The following INSC variants were observed in gnomAD, a reference collection of about 807,000 sequenced individuals.
INSC encodes the protein INSC spindle orientation adaptor protein.
A neutral mutation model predicts 58.6 loss-of-function variants in INSC; 67 were observed. That is an observed-to-expected ratio of 1.14 (90% CI 0.94 to 1.40). The LOEUF is 1.40. INSC is among the 40% of genes most tolerant of loss of function. The probability of loss-of-function intolerance (pLI) is 0.00; values close to 1 mark genes in which losing one functional copy is unlikely to be tolerated. For synonymous variants in INSC, 262 were observed against 276.1 expected, an observed-to-expected ratio of 0.95 and a Z score of 0.51; for missense variants, 714 against 692.0, an observed-to-expected ratio of 1.03 and a Z score of -0.36.
At chr11:15,243,328 T>C (rs947497254) in intron 12 of INSC, among the ~76,000 whole-genome samples, 3 of 152,186 alleles carry the variant, frequency 2.0e-5, no homozygotes, top group African/African-American at 7.2e-5. Context: ...GGGAGGAAGT[T>C]TCACTTATTG....
chr11:15,156,027 AG>A (rs929260979), intron 2 of INSC, among the ~76,000 whole-genome samples: 1 of 152,186 alleles, frequency 6.6e-6, no homozygotes, highest in African/African-American at 2.4e-5. Context: ...GGGCAGAGGC[AG>A]GGCAAGGCCA....
chr11:15,234,034 A>G (rs961438798), intron 9 of INSC, among the ~76,000 whole-genome samples: 28 of 152,228 alleles, frequency 1.8e-4, no homozygotes, highest in African/African-American at 6.3e-4. Context: ...AAACAAGTAA[A>G]TAAATACGTA....
intron 1 of INSC, among the ~76,000 whole-genome samples, chr11:15,117,359 G>T (rs980287086): frequency 6.6e-6 from 1 of 152,122 alleles, no homozygotes; most frequent in African/African-American, 2.4e-5. Flanking sequence ...TGAGGGGAAT[G>T]CTGGGATCTA....
rs1024418849 is a variant in INSC, at chr11:15,222,896, T to G, written c.991+1248T>G. On this transcript the variant is annotated intron_variant, in intron 8 of 12. Coordinates refer to ENST00000379556, the MANE Select transcript of INSC (RefSeq NM_001042536.3). The stretch of plus-strand genomic sequence containing the variant: ...CGAGGGAGCTCAAGAGACCCTACAG[T>G]TCTAAGCATACTCTCTAGGTGAAGA... Among the ~76,000 whole-genome samples the G allele has an allele frequency of 3.9e-5, 6 of 152,320 alleles. No individual in the cohort carries two copies. The East Asian group carries it at 9.7e-4, about 25-fold the overall frequency.
intron 2 of INSC, among the ~76,000 whole-genome samples, chr11:15,166,630 A>AT (rs917457716): frequency 1.3e-5 from 2 of 152,068 alleles, no homozygotes; most frequent in African/African-American, 2.4e-5. Context: ...TTTGGAAAAT[A>AT]TTTTTTTCAA....
At chr11:15,228,595 A>G (rs1360216600) in intron 9 of INSC, among the ~76,000 whole-genome samples, 1 of 152,210 alleles carries the variant, frequency 6.6e-6, no homozygotes, top group Non-Finnish European at 1.5e-5. Flanking sequence ...TGTAATGAAG[A>G]CAAAGAAGAT....
At chr11:15,243,954 G>A (rs1852461675) in intron 12 of INSC, among the ~76,000 whole-genome samples, 1 of 146,190 alleles carries the variant, frequency 6.8e-6, no homozygotes. Context: ...GTTCATCTCT[G>A]TCTGTTTTAA....
intron 2 of INSC, among the ~76,000 whole-genome samples, chr11:15,165,393 T>C (rs1849160116): frequency 6.6e-6 from 1 of 152,206 alleles, no homozygotes; most frequent in African/African-American, 2.4e-5. Context: ...ATATATATAA[T>C]CACTTCACTT....
chr11:15,205,872 G>A lies in INSC; in HGVS notation c.819+4923G>A, dbSNP rs75017516. 7.0e-3 allele frequency among the ~76,000 whole-genome samples: 1,065 copies of A among 152,242 alleles called. 18 individuals carry two copies. The highest frequency in any genetic ancestry group is 0.025 in the African/African-American group (1,044 of 41,538). ...GGGACTGCAGAGGACTGGGAGCCAG[G>A]TTCTCTGTGTTGGCCTGGGCAAGGG... On this transcript the variant is annotated intron_variant, in intron 7 of 12. Transcript: ENST00000379556.
chr11:15,242,071 T>C (rs1044971403), intron 12 of INSC, among the ~76,000 whole-genome samples: 4 of 152,224 alleles, frequency 2.6e-5, no homozygotes, highest in African/African-American at 9.6e-5. Flanking sequence ...ATGTAACTTT[T>C]TCTCATTCAA....
chr11:15,263,042 C>G, the INSC span, among the ~76,000 whole-genome samples: 2 of 151,922 alleles, frequency 1.3e-5, no homozygotes, highest in African/African-American at 4.8e-5. Flanking sequence ...ATAGAAACAA[C>G]GAAACTTCTA....
At chr11:15,265,802 A>G in the INSC span, among the ~76,000 whole-genome samples, 1 of 145,666 alleles carries the variant, frequency 6.9e-6, no homozygotes, top group Non-Finnish European at 1.5e-5. Flanking sequence ...AGGTATTTTC[A>G]GGTATATGTT....
rs564855783 is a variant in INSC, at chr11:15,215,953, G to A, written c.820-5524G>A. ...TAAGTGAATTGGGGTTGAGGTGCCCGTGGAATATCCAGGCAAATTATGTTT... is the reference window on the plus strand; with the variant it reads ...TAAGTGAATTGGGGTTGAGGTGCCCATGGAATATCCAGGCAAATTATGTTT... On this transcript the variant is annotated intron_variant, in intron 7 of 12. Transcript: ENST00000379556. Among the ~76,000 whole-genome samples the A allele has an allele frequency of 3.5e-3, 530 of 152,288 alleles. 3 individuals are homozygous for A. The highest frequency in any genetic ancestry group is 0.014 in the Middle Eastern group (4 of 294).
intron 9 of INSC, among the ~76,000 whole-genome samples, chr11:15,229,851 A>G (rs915231088): frequency 1.4e-5 from 2 of 146,776 alleles, no homozygotes; most frequent in African/African-American, 5.1e-5. Flanking sequence ...TGTGTTCATG[A>G]GTTCAAGACC....
chr11:15,201,839 G>A (rs896064170), intron 7 of INSC, among the ~76,000 whole-genome samples: 3 of 152,184 alleles, frequency 2.0e-5, no homozygotes, highest in Non-Finnish European at 1.5e-5. Flanking sequence ...TCTAAATGGG[G>A]ACAGGGGCCA....
chr11:15,263,943 G>A, the INSC span, among the ~76,000 whole-genome samples: 5 of 150,848 alleles, frequency 3.3e-5, no homozygotes, highest in Non-Finnish European at 7.4e-5. Context: ...TTCTTCTCAT[G>A]CTTGGAATCT....
At position 15,175,772 on chromosome 11, in the gene INSC, C is replaced by A. The variant is rs767511313; in HGVS notation, c.88C>A (p.Arg30Ser). Residue 30 changes from arginine to serine, a missense_variant, in exon 3 of 13, where the codon CGC (arginine) becomes AGC (serine). Physicochemically the swap from Arg to Ser is moderately radical, Grantham distance 110. Coordinates refer to ENST00000379556, the MANE Select transcript of INSC (RefSeq NM_001042536.3). ...CCTGATGCAGGTGGACTCAGTCCAGCGCTGGATGGAAGATCTGAAGCTCAT... is the reference window on the plus strand; with the variant it reads ...CCTGATGCAGGTGGACTCAGTCCAGAGCTGGATGGAAGATCTGAAGCTCAT... ...LHLMQVDSVQ[R>S]WMEDLKLMTE... 1.3e-6 allele frequency: 2 copies of A among 1,590,566 alleles called. No individual in the cohort carries two copies. The highest frequency in any genetic ancestry group is 1.1e-5 in the South Asian group (1 of 88,578).
At chr11:15,213,514 G>A (rs1398801430) in intron 7 of INSC, among the ~76,000 whole-genome samples, 1 of 152,132 alleles carries the variant, frequency 6.6e-6, no homozygotes, top group African/African-American at 2.4e-5. Flanking sequence ...AGTAACCCTA[G>A]CCCAAAGGGA....
intron 5 of INSC, among the ~76,000 whole-genome samples, chr11:15,189,953 T>C (rs1345419484): frequency 6.6e-6 from 1 of 152,246 alleles, no homozygotes; most frequent in Non-Finnish European, 1.5e-5. Flanking sequence ...TTGTATCTTT[T>C]TTGTTAATGA....
Sources: gnomAD v4.1 joint callset for allele counts (sites outside exome capture counted in the v4.1 genomes callset) on GRCh38, gnomAD v4.1.1 for gene constraint, MANE v1.5 for transcripts, NCBI Gene and HGNC (gene_info 2026-07-23, HGNC 2026-07-21) for gene names.